Variants in FCHO1 observed in about 807,000 individuals in gnomAD.
FCHO1 encodes FCH and mu domain containing endocytic adaptor 1.
A neutral mutation model predicts 114.4 loss-of-function variants in FCHO1; 45 were observed. That is an observed-to-expected ratio of 0.39 (90% CI 0.31 to 0.50). The LOEUF (loss-of-function observed/expected upper bound fraction) is 0.50, where lower values mean the gene tolerates loss of function less well. FCHO1 is among the 20% of genes least tolerant of loss of function. The pLI is 0.77. For synonymous variants in FCHO1, 480 were observed against 488.9 expected (o/e 0.98, Z 0.24); for missense variants, 1,042 against 1,209.6 (o/e 0.86, Z 2.06).
chr19:17,759,727 G>T (rs890366017), intron 4 of FCHO1, among the ~76,000 whole-genome samples: 1 of 151,496 alleles, frequency 6.6e-6, no homozygotes, highest in East Asian at 2.0e-4. Context: ...GAGGTCAGGA[G>T]TTCAAGACCA....
In FCHO1 at chr19:17,781,474, C is replaced by T. The variant is rs2093405999; in HGVS notation, c.1763C>T (p.Pro588Leu). 13 of 1,614,082 alleles carry T rather than the reference C, an allele frequency of 8.1e-6. No homozygotes were observed. Among genetic ancestry groups the T allele is most frequent in the Non-Finnish European group, 1.1e-5 (13 of 1,179,996 alleles). ...GDLSRSLSPS[P>L]LGSSAASTAL... ...CAGTCTCGTTCCCTGAGCCCCTCCC[C>T]ACTGGGCTCTTCAGCCGCCAGCACT... is the stretch of plus-strand genomic sequence containing the variant. Residue 588 changes from proline (P) to leucine (L), a missense_variant, in exon 22 of 29, where the codon CCA becomes CTA. This residue lies in a region of FCHO1 where 455 missense variants were observed against 455.4 expected (regional missense o/e 1.00). Transcript: ENST00000596536.
chr19:17,753,292 G>A (rs1425832752), intron 1 of FCHO1, among the ~76,000 whole-genome samples: 2 of 152,212 alleles, frequency 1.3e-5, no homozygotes, highest in African/African-American at 4.8e-5. Context: ...AAGGGGGTGT[G>A]GTGGGGACTG....
chr19:17,778,520 T>C lies in FCHO1; in HGVS notation c.1352-89T>C, dbSNP rs543426647. The C allele has an allele frequency of 4.2e-6, 6 of 1,423,696 alleles. No homozygotes were observed. The East Asian group carries it at 1.5e-4, about 36-fold the overall frequency. 88.2% of individuals were successfully genotyped at this position (1,423,696 alleles called of 1,614,324 possible). A position where few individuals can be genotyped will look rare whatever the true frequency, so the allele number is the denominator to read the frequency against. ...CTTTGAATGGGGGCCCCCCTGACCT[T>C]CCCTCGACGTGGCCGTGGCCTGCAG... On this transcript the variant is annotated intron_variant, in intron 19 of 28. Transcript: ENST00000596536.
At chr19:17,755,055 C>CT in intron 3 of FCHO1, 63 bp from the exon 4 acceptor site, 1 of 1,026,628 alleles carries the variant, frequency 9.7e-7, no homozygotes, top group Non-Finnish European at 1.5e-6. Flanking sequence ...CAGGGAGGGA[C>CT]TTTCCCCCCA....
upstream of FCHO1, among the ~76,000 whole-genome samples, chr19:17,749,020 G>A (rs74973920): frequency 3.1e-3 from 470 of 152,248 alleles, 14 homozygotes; most frequent in East Asian, 0.075. Context: ...GAGGGCATGG[G>A]GACAGGGAGT....
chr19:17,783,397 C>T (rs973307707), intron 24 of FCHO1, among the ~76,000 whole-genome samples: 6 of 151,146 alleles, frequency 4.0e-5, no homozygotes, highest in African/African-American at 9.7e-5. Flanking sequence ...TCCCAAGTAG[C>T]TGGGATTACA....
At chr19:17,788,174 G>A in intron 28 of FCHO1, 110 bp from the exon 29 acceptor site, 1 of 841,178 alleles carries the variant, frequency 1.2e-6, no homozygotes, top group East Asian at 2.6e-5. Flanking sequence ...TGAGTTACAG[G>A]GGTGTTTTGA....
rs779934590 is a variant in FCHO1 at position 17,762,774 on chromosome 19, C to A, written c.40C>A (p.His14Asn). The change falls in exon 5 of 29, where the codon CAT (histidine) becomes AAT (asparagine). Residue 14 changes from histidine (H) to asparagine (N), a missense_variant. Transcript: ENST00000596536. ...CCATCCCCTGCAGGGCGAGAAAAAT[C>A]ATGGCTTTGAGGTCCTGTACCACAG... is the stretch of plus-strand genomic sequence containing the variant. Reference protein sequence around the residue: ...FGEHFWGEKNHGFEVLYHSVK... With the variant: ...FGEHFWGEKNNGFEVLYHSVK... 2 of 1,613,508 alleles carry A rather than the reference C, an allele frequency of 1.2e-6. No individual in the cohort carries two copies. Among genetic ancestry groups the A allele is most frequent in the Non-Finnish European group, 1.7e-6 (2 of 1,179,452 alleles).
chr19:17,762,731 C>T, intron 4 of FCHO1, 31 bp from the exon 5 acceptor site: 1 of 1,512,734 alleles, frequency 6.6e-7, no homozygotes, highest in East Asian at 2.3e-5. Flanking sequence ...TCTCTCCATC[C>T]TTTCTCAATC....
At position 17,753,252 on chromosome 19, in the gene FCHO1, C is replaced by T. The variant is rs375233212; in HGVS notation, c.-182-1065C>T. Among the ~76,000 whole-genome samples the T allele has an allele frequency of 9.8e-5, 15 of 152,330 alleles. No homozygotes were observed. In the East Asian group the frequency reaches 2.3e-3, roughly 24 times the overall value. On this transcript the variant is annotated intron_variant, in intron 1 of 28. Coordinates refer to ENST00000596536, the MANE Select transcript of FCHO1 (RefSeq NM_015122.3). ...GGATGTCAGTGTAGCATGCTCACCA[C>T]CCTACCCCTGCCACCAAACTAGGTT...
chr19:17,783,214 G>A lies in FCHO1; in HGVS notation c.2093+42G>A, dbSNP rs771527067. The stretch of plus-strand genomic sequence containing the variant: ...GTGGGAGAGGGCCTCGGAGGCTGCT[G>A]GGGATCAGGCTTCCGGACTCTGAGT... On this transcript the variant is annotated intron_variant, in intron 24 of 28. Coordinates refer to ENST00000596536, the MANE Select transcript of FCHO1 (RefSeq NM_015122.3). 6 of 1,594,678 alleles carry A rather than the reference G, an allele frequency of 3.8e-6. No homozygotes were observed. In the Admixed American group the frequency reaches 5.2e-5, roughly 14 times the overall value.
chr19:17,786,357 AACAAAC>A (rs1410290863), intron 26 of FCHO1, among the ~76,000 whole-genome samples: 2 of 127,068 alleles, frequency 1.6e-5, no homozygotes, highest in Non-Finnish European at 3.6e-5. Context: ...AAAAACACAA[AACAAAC>A]ACACACACAC....
intron 9 of FCHO1, among the ~76,000 whole-genome samples, chr19:17,772,001 C>T (rs1194963941): frequency 6.6e-6 from 1 of 152,032 alleles, no homozygotes; most frequent in Non-Finnish European, 1.5e-5. Context: ...TTAGTAGAAA[C>T]GGTTTCACCA....
At chr19:17,767,402 A>AAAAAAC (rs1599641938) in intron 7 of FCHO1, among the ~76,000 whole-genome samples, 1 of 151,074 alleles carries the variant, frequency 6.6e-6, no homozygotes, top group South Asian at 2.1e-4. Flanking sequence ...TACCAAAAAA[A>AAAAAAC]AAAAAACACC....
intron 4 of FCHO1, among the ~76,000 whole-genome samples, chr19:17,762,036 A>G (rs1452583470): frequency 6.6e-6 from 1 of 150,966 alleles, no homozygotes; most frequent in East Asian, 1.9e-4. Context: ...CCCAGGCTGG[A>G]GTGCAGTGGT....
chr19:17,783,932 C>G (rs2093650262), intron 24 of FCHO1, among the ~76,000 whole-genome samples, 171 bp from the exon 25 acceptor site: 3 of 152,222 alleles, frequency 2.0e-5, no homozygotes, highest in Admixed American at 1.3e-4. Flanking sequence ...CCCTCTCTGA[C>G]CCTTGTTTTC....
intron 20 of FCHO1, among the ~76,000 whole-genome samples, chr19:17,780,639 G>A (rs2093315958): frequency 1.3e-5 from 2 of 152,086 alleles, no homozygotes; most frequent in Admixed American, 6.6e-5. Context: ...CCCCGCCCCC[G>A]AGAATGGTCC....
chr19:17,774,981 C>A, intron 13 of FCHO1, 75 bp from the exon 14 acceptor site: 4 of 1,537,268 alleles, frequency 2.6e-6, no homozygotes, highest in Non-Finnish European at 3.6e-6. Context: ...GCTTCCATGT[C>A]CAGTGTTGGG....
chr19:17,759,202 T>C (rs2085044499), intron 4 of FCHO1, among the ~76,000 whole-genome samples: 1 of 142,730 alleles, frequency 7.0e-6, no homozygotes, highest in Non-Finnish European at 1.5e-5. Context: ...ATGTCCCCAG[T>C]TCCCTCAGAC....
Sources: allele counts gnomAD v4.1 joint callset (sites outside exome capture counted in the v4.1 genomes callset), GRCh38; gene constraint gnomAD v4.1.1; regional missense constraint gnomAD v4.1.1; transcripts MANE v1.5; gene names NCBI Gene and HGNC (gene_info 2026-07-23, HGNC 2026-07-21).